CNTN6: variants seen among roughly 807,000 people sequenced by gnomAD.
CNTN6 encodes the protein contactin-6.
In CNTN6, 137 loss-of-function variants were observed where a neutral mutation model predicts 122.8. That is an observed-to-expected ratio of 1.12 (90% CI 0.97 to 1.29). CNTN6 has a LOEUF of 1.29. Ranked by LOEUF, CNTN6 falls within the 50% of genes most tolerant of loss-of-function variation. The pLI, the probability that CNTN6 is intolerant of heterozygous loss-of-function variation, is 0.00. For missense variants in CNTN6, 1,634 were observed against 1,223.4 expected (o/e 1.34, Z -5.01); for synonymous variants, 570 against 426.0 (o/e 1.34, Z -4.16).
At position 1,373,926 on chromosome 3, in the gene CNTN6, C is replaced by A; in HGVS notation, c.1948C>A (p.Pro650Thr). Residue 650 changes from proline (P) to threonine (T), a missense_variant and splice_region_variant, in exon 16 of 23, where the codon CCA (proline) becomes ACA (threonine). Transcript: ENST00000446702. ...CCTTAGTGTCTCATTCTTTTTAGTT[C>A]CAGAAATTCTCAATGGTAAGACATA... Reference protein sequence around the residue: ...SVGWQAVATVPEILNGKTYNA... With the variant: ...SVGWQAVATVTEILNGKTYNA... 1 of 1,607,056 alleles carries A rather than the reference C, an allele frequency of 6.2e-7. No individual in the cohort carries two copies. Among genetic ancestry groups the A allele is most frequent in the Non-Finnish European group, 8.5e-7 (1 of 1,175,972 alleles).
intron 5 of CNTN6, among the ~76,000 whole-genome samples, chr3:1,293,188 C>G (rs13318250): frequency 1.3e-5 from 2 of 152,070 alleles, no homozygotes; most frequent in African/African-American, 4.8e-5. Context: ...AATTATTTTG[C>G]TCCTCCCCAC....
At chr3:1,250,938 C>T (rs1319106414) in intron 4 of CNTN6, among the ~76,000 whole-genome samples, 2 of 151,734 alleles carry the variant, frequency 1.3e-5, no homozygotes, top group Non-Finnish European at 2.9e-5. Flanking sequence ...CCTCCTCCCT[C>T]ATATCTAATT....
At chr3:1,152,393 C>T (rs1237890533) in intron 2 of CNTN6, among the ~76,000 whole-genome samples, 2 of 152,076 alleles carry the variant, frequency 1.3e-5, no homozygotes, top group Admixed American at 6.6e-5. Flanking sequence ...CCCACCTCAG[C>T]CTCCCAAAGT....
At chr3:1,305,673 T>A (rs555568361) in intron 7 of CNTN6, among the ~76,000 whole-genome samples, 61 of 151,230 alleles carry the variant, frequency 4.0e-4, no homozygotes, top group South Asian at 8.3e-4. Flanking sequence ...TTCCTTTTTT[T>A]AAAAAAATCT....
intron 11 of CNTN6, among the ~76,000 whole-genome samples, chr3:1,330,647 G>A (rs1306455173): frequency 4.6e-5 from 7 of 151,836 alleles, no homozygotes; most frequent in African/African-American, 1.7e-4. Context: ...AAATCCTAAT[G>A]TGAACGAGCC....
At chr3:1,164,715 T>G (rs2093208317) in intron 2 of CNTN6, among the ~76,000 whole-genome samples, 2 of 152,234 alleles carry the variant, frequency 1.3e-5, no homozygotes, top group African/African-American at 4.8e-5. Flanking sequence ...TCCTCTGTAT[T>G]GTGAAGCCTC....
chr3:1,245,232 ATAT>A (rs1476794854), intron 4 of CNTN6, among the ~76,000 whole-genome samples: 5 of 13,184 alleles, frequency 3.8e-4, no homozygotes, highest in Non-Finnish European at 5.3e-4. Context: ...ATATATATAT[ATAT>A]ACACACACAC....
At chr3:1,317,739 G>A (rs1322601688) in intron 7 of CNTN6, among the ~76,000 whole-genome samples, 3 of 151,674 alleles carry the variant, frequency 2.0e-5, no homozygotes, top group Admixed American at 6.6e-5. Flanking sequence ...CTTCATCCCC[G>A]TGTTTGTCTA....
At chr3:1,338,958 A>G (rs1268252381) in intron 11 of CNTN6, among the ~76,000 whole-genome samples, 2 of 152,114 alleles carry the variant, frequency 1.3e-5, no homozygotes, top group Non-Finnish European at 2.9e-5. Flanking sequence ...TAGAAAAAGC[A>G]TTGCTGTCTA....
chr3:1,272,988 C>G (rs1171092735), intron 4 of CNTN6, among the ~76,000 whole-genome samples: 1 of 152,186 alleles, frequency 6.6e-6, no homozygotes, highest in Non-Finnish European at 1.5e-5. Context: ...CCCAGTAATT[C>G]TTTAAAGCTC....
intron 4 of CNTN6, among the ~76,000 whole-genome samples, chr3:1,247,881 G>T (rs1210641163): frequency 6.6e-6 from 1 of 152,086 alleles, no homozygotes. Context: ...CTATGTGCCT[G>T]GTTTGCTACC....
At chr3:1,186,660 G>GAA (rs2093631522) in intron 2 of CNTN6, among the ~76,000 whole-genome samples, 1 of 152,078 alleles carries the variant, frequency 6.6e-6, no homozygotes, top group Non-Finnish European at 1.5e-5. Context: ...TTCTGAATCG[G>GAA]AAAGACAACC....
chr3:1,371,525 C>T (rs530801480), intron 12 of CNTN6, among the ~76,000 whole-genome samples: 12 of 152,072 alleles, frequency 7.9e-5, no homozygotes, highest in Non-Finnish European at 1.2e-4. Flanking sequence ...TTATTATAAA[C>T]GAAGTAGTCA....
intron 5 of CNTN6, 64 bp downstream of exon 5, chr3:1,278,572 C>A: frequency 8.8e-7 from 1 of 1,142,194 alleles, no homozygotes; most frequent in South Asian, 1.3e-5. Context: ...GTGAGCACAT[C>A]AGGTCTTAGG....
intron 1 of CNTN6, among the ~76,000 whole-genome samples, chr3:1,112,681 A>G (rs1262974820): frequency 6.6e-6 from 1 of 152,170 alleles, no homozygotes; most frequent in African/African-American, 2.4e-5. Flanking sequence ...ATGTCCTTGC[A>G]GACACGCCCA....
At chr3:1,314,789 C>G (rs1040641313) in intron 7 of CNTN6, among the ~76,000 whole-genome samples, 1 of 151,868 alleles carries the variant, frequency 6.6e-6, no homozygotes, top group Admixed American at 6.6e-5. Flanking sequence ...AAAAACTTTG[C>G]TTTTATCATC....
At chr3:1,297,601 G>T (rs1212686535) in intron 6 of CNTN6, among the ~76,000 whole-genome samples, 1 of 150,370 alleles carries the variant, frequency 6.7e-6, no homozygotes, top group Non-Finnish European at 1.5e-5. Context: ...ACTTCTACCA[G>T]TGTTAGCTGA....
intron 18 of CNTN6, 55 bp downstream of exon 18, chr3:1,383,231 C>T: frequency 6.3e-7 from 1 of 1,595,348 alleles, no homozygotes; most frequent in Non-Finnish European, 8.6e-7. Flanking sequence ...GTTTGTGTTC[C>T]CTTGTTCCAT....
intron 1 of CNTN6, among the ~76,000 whole-genome samples, chr3:1,127,055 A>G (rs1319203367): frequency 6.6e-6 from 1 of 151,524 alleles, no homozygotes; most frequent in Non-Finnish European, 1.5e-5. Flanking sequence ...CAAATTATAT[A>G]AAAGTAAATT....
Sources: gnomAD v4.1 joint callset for allele counts (sites outside exome capture counted in the v4.1 genomes callset) on GRCh38, gnomAD v4.1.1 for gene constraint, MANE v1.5 for transcripts, NCBI Gene and HGNC (gene_info 2026-07-23, HGNC 2026-07-21) for gene names.